ZFAND6: variants seen among roughly 807,000 people sequenced by gnomAD.
ZFAND6 encodes zinc finger AN1-type containing 6.
A neutral mutation model predicts 24.5 loss-of-function variants in ZFAND6; 12 were observed. The observed-to-expected ratio is 0.49, with a 90% confidence interval of 0.31 to 0.79. The LOEUF is 0.79. Among genes scored for constraint, ZFAND6 ranks in the 30% least tolerant of loss-of-function variants. ZFAND6 has a pLI of 0.04. For missense variants in ZFAND6, 207 were observed against 245.9 expected (o/e 0.84, Z 1.06); for synonymous variants, 92 against 81.5 (o/e 1.13, Z -0.69).
At chr15:80,089,497 C>A (rs1410920903) in intron 1 of ZFAND6, among the ~76,000 whole-genome samples, 3 of 152,036 alleles carry the variant, frequency 2.0e-5, no homozygotes, top group Non-Finnish European at 4.4e-5. Context: ...CTCAAGTGAT[C>A]TGCCTGCCTC....
intron 1 of ZFAND6, among the ~76,000 whole-genome samples, chr15:80,091,183 G>T (rs2038342728): frequency 6.6e-6 from 1 of 152,018 alleles, no homozygotes. Context: ...GTGTGTGTGT[G>T]TGTCGGGCAC....
At chr15:80,109,499 T>G (rs945900402) in intron 2 of ZFAND6, among the ~76,000 whole-genome samples, 2 of 152,042 alleles carry the variant, frequency 1.3e-5, no homozygotes, top group East Asian at 1.9e-4. Flanking sequence ...TTCTGGAAAG[T>G]AGAAGGAATA....
At chr15:80,094,783 G>GT (rs1056717445) in intron 1 of ZFAND6, among the ~76,000 whole-genome samples, 2 of 151,670 alleles carry the variant, frequency 1.3e-5, no homozygotes, top group Non-Finnish European at 2.9e-5. Flanking sequence ...TCCCATTAAT[G>GT]TTTTTTTTCT....
chr15:80,066,403 C>A (rs2036638271), intron 1 of ZFAND6, among the ~76,000 whole-genome samples: 1 of 151,942 alleles, frequency 6.6e-6, no homozygotes, highest in African/African-American at 2.4e-5. Flanking sequence ...ACCTCTGCCT[C>A]CTGGGTTCAA....
intron 5 of ZFAND6, among the ~76,000 whole-genome samples, chr15:80,124,726 A>G (rs891162958): frequency 3.0e-4 from 46 of 152,190 alleles, no homozygotes; most frequent in African/African-American, 1.1e-3. Flanking sequence ...CATGATTTGA[A>G]TGACTTTTAG....
intron 1 of ZFAND6, among the ~76,000 whole-genome samples, chr15:80,085,201 CT>C (rs934911134): frequency 2.0e-5 from 3 of 152,176 alleles, no homozygotes; most frequent in African/African-American, 7.2e-5. Flanking sequence ...TTCATTATCT[CT>C]TTTTCTTTTC....
intron 1 of ZFAND6, among the ~76,000 whole-genome samples, chr15:80,067,592 AAATTT>A (rs1365561649): frequency 3.9e-5 from 6 of 152,316 alleles, no homozygotes; most frequent in Admixed American, 2.0e-4. Context: ...AAATAAATTT[AAATTT>A]AATTTAATAT....
At chr15:80,072,353 GTATA>G (rs1400725950) in intron 1 of ZFAND6, among the ~76,000 whole-genome samples, 2 of 152,126 alleles carry the variant, frequency 1.3e-5, no homozygotes, top group African/African-American at 4.8e-5. Context: ...TAAGCAAACA[GTATA>G]TGATGGGAAA....
intron 2 of ZFAND6, chr15:80,111,517 T>G (rs2039609819): frequency 2.2e-6 from 1 of 455,938 alleles, no homozygotes; most frequent in African/African-American, 2.0e-5. Context: ...TCAGAAGTTT[T>G]CTAGAATCTA....
chr15:80,115,783 T>G (rs889047989), intron 2 of ZFAND6, among the ~76,000 whole-genome samples: 2 of 152,188 alleles, frequency 1.3e-5, no homozygotes, highest in Non-Finnish European at 2.9e-5. Flanking sequence ...GCAGTTTGAC[T>G]TGGGAAAATT....
rs1438331613 is a variant in ZFAND6 at position 80,110,051 on chromosome 15, C to T, written c.-17-10277C>T. ...GGCCAGAGACCTCAGCTACTCGTCA[C>T]ATGAGCCTTTCTCTGTGAAATGGCC... On this transcript the variant is annotated intron_variant, in intron 2 of 6. Coordinates refer to ENST00000261749, the MANE Select transcript of ZFAND6 (RefSeq NM_019006.4). Among the ~76,000 whole-genome samples, 6 of 152,208 alleles carry T rather than the reference C, an allele frequency of 3.9e-5. No homozygotes were observed. The East Asian group carries it at 1.2e-3, about 29-fold the overall frequency.
chr15:80,117,984 T>G (rs1361670596), intron 2 of ZFAND6, among the ~76,000 whole-genome samples: 3 of 151,752 alleles, frequency 2.0e-5, no homozygotes, highest in Non-Finnish European at 4.4e-5. Context: ...ACTTAATAAG[T>G]GATGGAGCTG....
chr15:80,116,412 T>C (rs1168915833), intron 2 of ZFAND6, among the ~76,000 whole-genome samples: 1 of 152,230 alleles, frequency 6.6e-6, no homozygotes, highest in East Asian at 1.9e-4. Context: ...TACTAGTTTA[T>C]TTTAAAATAT....
At chr15:80,094,885 C>G (rs2038626142) in intron 1 of ZFAND6, among the ~76,000 whole-genome samples, 1 of 152,046 alleles carries the variant, frequency 6.6e-6, no homozygotes, top group South Asian at 2.1e-4. Context: ...AATGATTCTC[C>G]TGCCTCAGTC....
intron 1 of ZFAND6, among the ~76,000 whole-genome samples, chr15:80,078,014 G>T (rs2037396696): frequency 6.6e-6 from 1 of 151,950 alleles, no homozygotes; most frequent in Non-Finnish European, 1.5e-5. Context: ...AACTTTTAAT[G>T]TGGCATTATT....
intron 1 of ZFAND6, among the ~76,000 whole-genome samples, chr15:80,076,286 C>A (rs974920332): frequency 6.6e-6 from 1 of 152,218 alleles, no homozygotes; most frequent in Admixed American, 6.5e-5. Flanking sequence ...TACTGCCACC[C>A]AAGCCAGAAT....
At position 80,121,570 on chromosome 15, in the gene ZFAND6, A is replaced by T. The variant is rs530199538; in HGVS notation, c.155-142A>T. ...CTGGCAAACCGTTGAAAAATTTTTT[A>T]AAAATAATGAACCAACATACTACAT... On this transcript the variant is annotated intron_variant, in intron 3 of 6. Coordinates refer to ENST00000261749, the MANE Select transcript of ZFAND6 (RefSeq NM_019006.4). 22 of 528,276 alleles carry T rather than the reference A, an allele frequency of 4.2e-5. No homozygotes were observed. In the South Asian group the frequency reaches 5.9e-4, roughly 14 times the overall value. The allele number at this position is 528,276 out of a possible 1,614,324, so 32.7% of individuals were successfully genotyped here. A position where few individuals can be genotyped will look rare whatever the true frequency, so the allele number is the denominator to read the frequency against.
chr15:80,085,440 C>T (rs922810455), intron 1 of ZFAND6, among the ~76,000 whole-genome samples: 2 of 152,136 alleles, frequency 1.3e-5, no homozygotes, highest in African/African-American at 4.8e-5. Context: ...ACTCCTATGA[C>T]CTTTGTCTCC....
chr15:80,122,158 C>T (rs2040175496), intron 4 of ZFAND6, among the ~76,000 whole-genome samples: 1 of 152,028 alleles, frequency 6.6e-6, no homozygotes, highest in African/African-American at 2.4e-5. Context: ...ACAGTCTTGT[C>T]ACACATTATC....
Sources: allele counts gnomAD v4.1 joint callset (sites outside exome capture counted in the v4.1 genomes callset), GRCh38; gene constraint gnomAD v4.1.1; transcripts MANE v1.5; gene names NCBI Gene and HGNC (gene_info 2026-07-23, HGNC 2026-07-21).